Variants in MAPK3 observed in about 807,000 individuals in gnomAD.
MAPK3 encodes the protein MAPK 1.
A neutral mutation model predicts 41.8 loss-of-function variants in MAPK3; 30 were observed. The ratio of observed to expected loss-of-function variants is 0.72; its 90% confidence interval spans 0.54 to 0.97. MAPK3 has a LOEUF of 0.97. Ranked by LOEUF, MAPK3 falls within the 50% of genes least tolerant of loss-of-function variation. The pLI is 0.00. For missense variants in MAPK3, 413 were observed against 509.9 expected (o/e 0.81, Z 1.83); for synonymous variants, 222 against 213.4 (o/e 1.04, Z -0.35).
At chr16:30,117,069 C>G (rs1457870291) in intron 6 of MAPK3, 66 bp from the exon 7 acceptor site, 1 of 1,597,548 alleles carries the variant, frequency 6.3e-7, no homozygotes, top group Non-Finnish European at 8.6e-7. Flanking sequence ...CATTGCTTTG[C>G]CTGTCTCCTC....
rs768641666 is a variant in MAPK3, at chr16:30,122,025, G to A, written c.171-19C>T. The A allele has an allele frequency of 9.9e-6, 16 of 1,613,352 alleles. No individual in the cohort carries two copies. The highest frequency in any genetic ancestry group is 9.9e-5 in the South Asian group (9 of 91,070). On this transcript the variant is annotated intron_variant, in intron 1 of 8. Transcript: ENST00000263025. ...GGCCGAGCTGAGGGGACCGGAGAGA[G>A]GCTGCTGCTGTGGCCTTACAAAGGG...
At chr16:30,121,131 CAG>C (rs1280173761) in intron 2 of MAPK3, among the ~76,000 whole-genome samples, 6 of 152,020 alleles carry the variant, frequency 3.9e-5, no homozygotes, top group Admixed American at 2.0e-4. Context: ...AGTTTTGAGA[CAG>C]AGTCTCGCTC....
At chr16:30,116,072 T>TTC (rs35691465) in intron 8 of MAPK3, 2 of 144,440 alleles carry the variant, frequency 1.4e-5, no homozygotes. Flanking sequence ...TTTTTTTTTT[T>TTC]GAGAGAGTCT....
At chr16:30,118,564 C>A (rs1368479910) in intron 2 of MAPK3, 26 bp from the exon 3 acceptor site, 15 of 1,595,536 alleles carry the variant, frequency 9.4e-6, no homozygotes, top group Admixed American at 5.1e-5. Context: ...CAGACCCCCC[C>A]AGGCAGGGGG....
intron 1 of MAPK3, 33 bp downstream of exon 1, chr16:30,123,007 G>A (rs2073032542): frequency 1.4e-6 from 2 of 1,434,258 alleles, no homozygotes; most frequent in South Asian, 2.9e-5. Context: ...CCCCTCCCCT[G>A]AGGGCACCCC....
chr16:30,116,913 T>C lies in MAPK3; in HGVS notation c.998A>G (p.Tyr333Cys). ...EALAHPYLEQ[Y>C]YDPTDEPVAE... is the part of the protein sequence containing the mutation. Reference sequence around the variant, plus strand: ...GCCCACCTCATCCGTCGGGTCATAGTACTGCTCCAGGTAGGGGTGAGCCAG... The same window carrying C: ...GCCCACCTCATCCGTCGGGTCATAGCACTGCTCCAGGTAGGGGTGAGCCAG... Residue 333 changes from tyrosine (Y) to cysteine (C), a missense_variant, in exon 7 of 9, where the codon TAC (tyrosine) becomes TGC (cysteine). Tyr to Cys is a radical substitution (Grantham distance 194). Transcript: ENST00000263025. The C allele has an allele frequency of 6.2e-7, 1 of 1,613,994 alleles. No homozygotes were observed. Among genetic ancestry groups the C allele is most frequent in the Non-Finnish European group, 8.5e-7 (1 of 1,179,968 alleles).
At chr16:30,117,317 C>A (rs765632688) in intron 5 of MAPK3, 32 bp from the exon 6 acceptor site, 1 of 1,611,082 alleles carries the variant, frequency 6.2e-7, no homozygotes, top group South Asian at 1.1e-5. Flanking sequence ...GGTAAATGAT[C>A]ACCTCTTTCT....
intron 2 of MAPK3, among the ~76,000 whole-genome samples, chr16:30,120,469 GA>G (rs1365724976): frequency 6.6e-6 from 1 of 152,148 alleles, no homozygotes; most frequent in Non-Finnish European, 1.5e-5. Flanking sequence ...AGCCAGACAG[GA>G]AGTGGACAGC....
chr16:30,116,856 C>T (rs764883735), intron 7 of MAPK3, 38 bp downstream of exon 7: 3 of 1,613,466 alleles, frequency 1.9e-6, no homozygotes, highest in Non-Finnish European at 2.5e-6. Context: ...CCCCTGCTCC[C>T]CTGCCCCCAG....
At chr16:30,118,325 G>A (rs2072980612) in intron 3 of MAPK3, 24 bp downstream of exon 3, 2 of 1,603,812 alleles carry the variant, frequency 1.2e-6, no homozygotes, top group Non-Finnish European at 1.7e-6. Flanking sequence ...GGGGGAGGAG[G>A]GGACAGGTGC....
At chr16:30,122,312 G>A in intron 1 of MAPK3, 1 of 446,106 alleles carries the variant, frequency 2.2e-6, no homozygotes, top group East Asian at 4.6e-5. Flanking sequence ...TCCCAGGAAA[G>A]GCTCCTTAAC....
At position 30,116,703 on chromosome 16, in the gene MAPK3, C is replaced by T; in HGVS notation, c.1105G>A (p.Ala369Thr). The T allele has an allele frequency of 6.2e-7, 1 of 1,613,812 alleles. No individual in the cohort carries two copies. Among genetic ancestry groups the T allele is most frequent in the East Asian group, 2.2e-5 (1 of 44,876 alleles). ...TCCAGCACTCCGGGCTGGAAGCGTG[C>T]TGTCTCCTGGAAGATGAGCTCCTTC... ...RLKELIFQET[A>T]RFQPGVLEAP Residue 369 changes from alanine (A) to threonine (T), a missense_variant, in exon 8 of 9, where the codon GCA (alanine) becomes ACA (threonine). By Grantham distance (58) the Ala-to-Thr change is moderately conservative. Transcript: ENST00000263025.
At chr16:30,119,169 AAAC>A in intron 2 of MAPK3, among the ~76,000 whole-genome samples, 1 of 151,484 alleles carries the variant, frequency 6.6e-6, no homozygotes, top group East Asian at 1.9e-4. Flanking sequence ...AAAAAAAAAA[AAAC>A]CTACAAAAAG....
chr16:30,116,464 A>G (rs1938343174), intron 8 of MAPK3, among the ~76,000 whole-genome samples, 172 bp downstream of exon 8: 1 of 152,056 alleles, frequency 6.6e-6, no homozygotes, highest in African/African-American at 2.4e-5. Context: ...TCCAGGCATG[A>G]GCCACCACAC....
rs367759947 is a variant in MAPK3, at chr16:30,116,656, T to C, written c.*12A>G. 325 of 1,612,664 alleles carry C rather than the reference T, an allele frequency of 2.0e-4. 1 individual carries two copies. The highest frequency in any genetic ancestry group is 2.3e-4 in the Non-Finnish European group (275 of 1,179,912). On this transcript the variant is annotated 3_prime_UTR_variant, in exon 8 of 9. Transcript: ENST00000263025. ...CTCACCAGGCCCCAGGGTGCAGAGA[T>C]GTCTGTCTGGGCTAGGGGGCCTCCA...
In MAPK3 at chr16:30,114,625, C is replaced by G. The variant is rs1353586750; in HGVS notation, c.*116G>C. 1 of 152,404 alleles carries G rather than the reference C, an allele frequency of 6.6e-6. No individual in the cohort carries two copies. Among genetic ancestry groups the G allele is most frequent in the Non-Finnish European group, 1.5e-5 (1 of 68,210 alleles). 9.4% of individuals were successfully genotyped at this position (152,404 alleles called of 1,614,324 possible). The stretch of plus-strand genomic sequence containing the variant: ...AGGTGGCCAGGCCCATGCTCCACCC[C>G]GGCCTGGGCTGCCAAGGTCCGGGCT... On this transcript the variant is annotated 3_prime_UTR_variant, in exon 9 of 9. Transcript: ENST00000263025.
Position 30,117,231 on chromosome 16 carries a change from G to A in MAPK3, c.830C>T (p.Ala277Val). 2 of 1,614,124 alleles carry A rather than the reference G, an allele frequency of 1.2e-6. No homozygotes were observed. The highest frequency in any genetic ancestry group is 2.2e-5 in the South Asian group (2 of 91,078). ...GGGCAGAGACTGTAGGTAGTTTCGGGCCTTCATGTTGATGATACAATTCAG... is the reference window on the plus strand; with the variant it reads ...GGGCAGAGACTGTAGGTAGTTTCGGACCTTCATGTTGATGATACAATTCAG... The part of the protein sequence containing the change: ...EDLNCIINMK[A>V]RNYLQSLPSK... Residue 277 changes from alanine to valine, a missense_variant, in exon 6 of 9, where the codon GCC becomes GTC. Physicochemically the swap from Ala to Val is moderately conservative, Grantham distance 64. Transcript: ENST00000263025.
rs774952017 is a variant in MAPK3, at chr16:30,117,726, G to C, written c.719C>G (p.Ser240Cys). ...SVGCILAEML[S>C]NRPIFPGKHY... ...CTTGCCAGGGAAGATGGGCCGGTTA[G>C]AGAGCATCTCAGCCAGAATGCAGCC... Residue 240 changes from serine (S) to cysteine (C), a missense_variant, in exon 5 of 9, where the codon TCT becomes TGT. Physicochemically the swap from Ser to Cys is moderately radical, Grantham distance 112. Around this residue, in one of 4 missense-constraint regions of MAPK3, gnomAD observed 140 missense variants for 206.0 expected, o/e 0.68. Coordinates refer to ENST00000263025, the MANE Select transcript of MAPK3 (RefSeq NM_002746.3). 3.1e-6 allele frequency: 5 copies of C among 1,614,044 alleles called. No individual in the cohort carries two copies. Among genetic ancestry groups the C allele is most frequent in the Non-Finnish European group, 4.2e-6 (5 of 1,180,014 alleles).
intron 2 of MAPK3, among the ~76,000 whole-genome samples, chr16:30,120,063 G>T (rs2073000098): frequency 6.6e-6 from 1 of 152,224 alleles, no homozygotes. Context: ...CAGCTACTTG[G>T]AAGGCTGAGG....
Sources: allele counts gnomAD v4.1 joint callset (sites outside exome capture counted in the v4.1 genomes callset), GRCh38; gene constraint gnomAD v4.1.1; regional missense constraint gnomAD v4.1.1; transcripts MANE v1.5; gene names NCBI Gene and HGNC (gene_info 2026-07-23, HGNC 2026-07-21).